GRM1: variants seen among roughly 807,000 people sequenced by gnomAD.
GRM1 encodes metabotropic glutamate receptor 1.
GRM1 carries 33 observed loss-of-function variants against 90.9 expected under a neutral mutation model. That is an observed-to-expected ratio of 0.36 (90% CI 0.28 to 0.49). GRM1 has a LOEUF of 0.49. Ranked by LOEUF, GRM1 falls within the 20% of genes least tolerant of loss-of-function variation. The pLI is 0.99. For synonymous variants in GRM1, 700 were observed against 613.2 expected (o/e 1.14, Z -2.09); for missense variants, 1,190 against 1,534.3 (o/e 0.78, Z 3.75).
chr6:146,433,561 A>C (rs1277011750), intron 7 of GRM1, among the ~76,000 whole-genome samples: 1 of 147,554 alleles, frequency 6.8e-6, no homozygotes, highest in East Asian at 2.0e-4. Context: ...TGTGTGTGTC[A>C]GAGAGAGACA....
rs115413272 is a variant in GRM1, at chr6:146,337,446, G to A, written c.1187-14804G>A. Among the ~76,000 whole-genome samples, 728 of 152,248 alleles carry A rather than the reference G, an allele frequency of 4.8e-3. 4 individuals carry two copies. The highest frequency in any genetic ancestry group is 0.017 in the African/African-American group (697 of 41,536). On this transcript the variant is annotated intron_variant, in intron 3 of 7. Coordinates refer to ENST00000282753, the MANE Select transcript of GRM1 (RefSeq NM_001278064.2). ...AATGTTTCAATCAAATCACTTGGGG[G>A]ATATATTCCTAAAACGTTCTTTGGA...
intron 2 of GRM1, among the ~76,000 whole-genome samples, chr6:146,278,154 T>A (rs533349965): frequency 2.8e-4 from 43 of 152,316 alleles, no homozygotes; most frequent in Admixed American, 5.9e-4. Flanking sequence ...TATCATTATG[T>A]ACCTTCAAAT....
At chr6:146,182,615 A>G (rs1222506790) in intron 2 of GRM1, among the ~76,000 whole-genome samples, 3 of 152,184 alleles carry the variant, frequency 2.0e-5, no homozygotes, top group Non-Finnish European at 4.4e-5. Context: ...TATATTACCC[A>G]TACATAGTAC....
intron 7 of GRM1, among the ~76,000 whole-genome samples, chr6:146,406,174 G>A (rs371633348): frequency 5.3e-5 from 8 of 152,266 alleles, no homozygotes; most frequent in African/African-American, 1.4e-4. Context: ...TGTGCCGGGA[G>A]GCCTGGCCGA....
intron 2 of GRM1, among the ~76,000 whole-genome samples, chr6:146,286,259 C>G (rs1324735087): frequency 3.3e-5 from 5 of 152,086 alleles, no homozygotes; most frequent in Non-Finnish European, 1.5e-5. Flanking sequence ...ATTTCCAAAG[C>G]TGTCTATTCT....
chr6:146,285,368 A>T (rs931160129), intron 2 of GRM1, among the ~76,000 whole-genome samples: 12 of 152,174 alleles, frequency 7.9e-5, no homozygotes, highest in African/African-American at 2.9e-4. Context: ...GTAACTCCAA[A>T]CAAAGCTGCA....
At chr6:146,188,938 A>G (rs1778839235) in intron 2 of GRM1, among the ~76,000 whole-genome samples, 1 of 152,172 alleles carries the variant, frequency 6.6e-6, no homozygotes. Flanking sequence ...TCACAATCCA[A>G]TTGTTGAAAA....
At chr6:146,220,507 T>G (rs2056997) in intron 2 of GRM1, among the ~76,000 whole-genome samples, 33,482 of 152,130 alleles carry the variant, frequency 0.22, 7,589 homozygotes, top group African/African-American at 0.58. Flanking sequence ...TAATGTCATG[T>G]TTTACTCTGT....
intron 1 of GRM1, among the ~76,000 whole-genome samples, chr6:146,057,432 CT>C (rs1490700565): frequency 6.6e-6 from 1 of 152,086 alleles, no homozygotes; most frequent in Admixed American, 6.6e-5. Context: ...AACGGCACAC[CT>C]TTTTGAATTT....
At position 146,029,734 on chromosome 6, in the gene GRM1, C is replaced by A. The variant is rs554574441; in HGVS notation, c.217C>A (p.Gln73Lys). ...PERKCGEIRE[Q>K]YGIQRVEAMF... ...GAGGAAGTGTGGGGAGATCAGGGAG[C>A]AGTATGGCATCCAGAGGGTGGAGGC... The change falls in exon 1 of 8, where the codon CAG becomes AAG. Residue 73 changes from glutamine (Q) to lysine (K), a missense_variant. Physicochemically the swap from Gln to Lys is moderately conservative, Grantham distance 53 (BLOSUM62 1). Transcript: ENST00000282753. The A allele has an allele frequency of 6.2e-7, 1 of 1,613,972 alleles. No individual in the cohort carries two copies. Among genetic ancestry groups the A allele is most frequent in the South Asian group, 1.1e-5 (1 of 91,074 alleles).
intron 1 of GRM1, among the ~76,000 whole-genome samples, chr6:146,140,460 G>C (rs1776831488): frequency 6.6e-6 from 1 of 151,798 alleles, no homozygotes; most frequent in South Asian, 2.1e-4. Context: ...CTAGAGATGG[G>C]GTTTCCCCAT....
intron 5 of GRM1, among the ~76,000 whole-genome samples, chr6:146,379,500 T>C (rs1338317282): frequency 6.6e-6 from 1 of 152,166 alleles, no homozygotes; most frequent in African/African-American, 2.4e-5. Flanking sequence ...TTGAATTTCT[T>C]TGAGTTTCCT....
At chr6:146,315,614 T>A (rs1783938850) in intron 3 of GRM1, among the ~76,000 whole-genome samples, 1 of 152,214 alleles carries the variant, frequency 6.6e-6, no homozygotes, top group African/African-American at 2.4e-5. Flanking sequence ...AACTTTCCTA[T>A]ATTAATCTGG....
At chr6:146,274,902 C>T (rs140936014) in intron 2 of GRM1, among the ~76,000 whole-genome samples, 339 of 152,194 alleles carry the variant, frequency 2.2e-3, no homozygotes, top group Non-Finnish European at 3.2e-3. Flanking sequence ...TGATGGTGGG[C>T]ACCTATAATC....
At chr6:146,341,801 T>C (rs1784991950) in intron 3 of GRM1, among the ~76,000 whole-genome samples, 1 of 152,212 alleles carries the variant, frequency 6.6e-6, no homozygotes, top group Non-Finnish European at 1.5e-5. Context: ...GCAGCCAGTC[T>C]TAACGAGAAG....
rs375492256 is a variant in GRM1 at position 146,170,222 on chromosome 6, C to T, written c.950+10625C>T. Reference sequence around the variant, plus strand: ...GATTTTTCTGTTTAATCCCATGTAACCATTTTTACTATGCTGAGCCTTAAT... The same window carrying T: ...GATTTTTCTGTTTAATCCCATGTAATCATTTTTACTATGCTGAGCCTTAAT... On this transcript the variant is annotated intron_variant, in intron 2 of 7. Coordinates refer to ENST00000282753, the MANE Select transcript of GRM1 (RefSeq NM_001278064.2). Among the ~76,000 whole-genome samples, 291 of 152,104 alleles carry T rather than the reference C, an allele frequency of 1.9e-3. 14 individuals carry two copies. The South Asian group carries it at 0.058, about 30-fold the overall frequency.
intron 1 of GRM1, among the ~76,000 whole-genome samples, chr6:146,053,132 T>C (rs888957691): frequency 6.6e-6 from 1 of 152,126 alleles, no homozygotes; most frequent in Non-Finnish European, 1.5e-5. Context: ...ACCCCTGGTT[T>C]AAAAAGTAAT....
Position 146,134,925 on chromosome 6 carries a change from C to T in GRM1, c.701-24423C>T, listed in dbSNP as rs562219697. The stretch of plus-strand genomic sequence containing the variant: ...CAGTCTGGATGACAGAGCGTGACTC[C>T]GTCTCAAAAACAAAACAAAACAAAA... On this transcript the variant is annotated intron_variant, in intron 1 of 7. Transcript: ENST00000282753. Among the ~76,000 whole-genome samples the T allele has an allele frequency of 1.5e-4, 23 of 151,992 alleles. No homozygotes were observed. In the South Asian group the frequency reaches 2.1e-3, roughly 14 times the overall value.
At chr6:146,217,742 C>T (rs974793966) in intron 2 of GRM1, among the ~76,000 whole-genome samples, 3 of 152,036 alleles carry the variant, frequency 2.0e-5, no homozygotes, top group African/African-American at 7.2e-5. Context: ...TGATAGATAA[C>T]ATTCTTAATT....
Sources: gnomAD v4.1 joint callset for allele counts (sites outside exome capture counted in the v4.1 genomes callset) on GRCh38, gnomAD v4.1.1 for gene constraint, MANE v1.5 for transcripts, NCBI Gene and HGNC (gene_info 2026-07-23, HGNC 2026-07-21) for gene names.